The following ATG7 variants were observed in gnomAD, a reference collection of about 807,000 sequenced individuals.
ATG7 encodes ubiquitin-like modifier-activating enzyme ATG7.
Under a neutral mutation model 82.4 loss-of-function variants are expected in ATG7, and 70 were observed. The ratio of observed to expected loss-of-function variants is 0.85; its 90% CI spans 0.70 to 1.04. ATG7 has a LOEUF of 1.04. Ranked by LOEUF, ATG7 falls within the 50% of genes least tolerant of loss-of-function variation. ATG7 has a pLI of 0.00. For synonymous variants in ATG7, 287 were observed against 313.0 expected (o/e 0.92, Z 0.88); for missense variants, 792 against 864.3 (o/e 0.92, Z 1.05).
At chr3:11,290,590 C>T in intron 3 of ATG7, 2 of 335,786 alleles carry the variant, frequency 6.0e-6, no homozygotes, top group African/African-American at 2.2e-5. Context: ...CATGAACCAG[C>T]CACCCCCAGG....
At chr3:11,422,395 T>A (rs2082006137) in intron 19 of ATG7, among the ~76,000 whole-genome samples, 1 of 152,232 alleles carries the variant, frequency 6.6e-6, no homozygotes, top group African/African-American at 2.4e-5. Flanking sequence ...AGACAGCTTC[T>A]TTCCTTAAAC....
intron 20 of ATG7, among the ~76,000 whole-genome samples, chr3:11,523,384 A>G (rs73123011): frequency 0.015 from 2,361 of 152,348 alleles, 63 homozygotes; most frequent in African/African-American, 0.054. Context: ...GGGTACATCT[A>G]TCTGGCCTGT....
At chr3:11,339,200 A>G (rs994455711) in intron 11 of ATG7, among the ~76,000 whole-genome samples, 2 of 150,914 alleles carry the variant, frequency 1.3e-5, no homozygotes, top group Admixed American at 6.7e-5. Flanking sequence ...GGAGGCTGAG[A>G]CAGGAGAATG....
At chr3:11,323,337 A>C (rs1426743574) in intron 9 of ATG7, among the ~76,000 whole-genome samples, 4 of 152,148 alleles carry the variant, frequency 2.6e-5, no homozygotes, top group Non-Finnish European at 4.4e-5. Context: ...CCAGCACAAC[A>C]CTGCTTATCA....
chr3:11,396,697 A>C (rs754025105), intron 19 of ATG7, among the ~76,000 whole-genome samples: 1 of 150,946 alleles, frequency 6.6e-6, no homozygotes, highest in Admixed American at 6.6e-5. Flanking sequence ...CAGGAGAATC[A>C]CTTGAACCTG....
At chr3:11,377,647 A>G (rs1488972615) in intron 18 of ATG7, among the ~76,000 whole-genome samples, 1 of 152,238 alleles carries the variant, frequency 6.6e-6, no homozygotes, top group African/African-American at 2.4e-5. Context: ...TCCATGAAAC[A>G]TAGATGGACA....
chr3:11,397,732 C>T (rs1433883323), intron 19 of ATG7, among the ~76,000 whole-genome samples: 11 of 242 alleles, frequency 0.045, no homozygotes, highest in African/African-American at 0.15. Context: ...GCTGGGATTA[C>T]AGGCGTGCAC....
chr3:11,395,820 G>C (rs1264541023), intron 19 of ATG7, among the ~76,000 whole-genome samples: 1 of 151,530 alleles, frequency 6.6e-6, no homozygotes, highest in Non-Finnish European at 1.5e-5. Context: ...GGCGCCTGTA[G>C]TCCCAGCTAC....
intron 19 of ATG7, among the ~76,000 whole-genome samples, chr3:11,401,475 C>T (rs1243760885): frequency 6.6e-6 from 1 of 152,174 alleles, no homozygotes; most frequent in East Asian, 1.9e-4. Flanking sequence ...TCGTATATAA[C>T]AGCAGACACA....
At chr3:11,466,347 C>T (rs976766297) in intron 20 of ATG7, among the ~76,000 whole-genome samples, 1 of 152,212 alleles carries the variant, frequency 6.6e-6, no homozygotes, top group Non-Finnish European at 1.5e-5. Context: ...TCAGCAAATT[C>T]TAGAATGCTT....
rs956172305 is a variant in ATG7 at position 11,452,836 on chromosome 3, T to A, written c.2079+25910T>A. 9.2e-5 allele frequency among the ~76,000 whole-genome samples: 14 copies of A among 152,332 alleles called. No homozygotes were observed. The East Asian group carries it at 2.7e-3, about 29-fold the overall frequency. On this transcript the variant is annotated intron_variant, in intron 20 of 20. Coordinates refer to ENST00000693202, the MANE Select transcript of ATG7 (RefSeq NM_001349232.2). ...GTTAAGACCTATTCTTTTTAGTATTTTTTTAAACACAAAGTAACACCTCCA... is the reference window on the plus strand; with the variant it reads ...GTTAAGACCTATTCTTTTTAGTATTATTTTAAACACAAAGTAACACCTCCA...
At chr3:11,383,773 G>C (rs969376209) in intron 19 of ATG7, among the ~76,000 whole-genome samples, 1 of 152,174 alleles carries the variant, frequency 6.6e-6, no homozygotes, top group East Asian at 1.9e-4. Context: ...TTACTCACTT[G>C]CTGAAGTCTA....
the ATG7 span, among the ~76,000 whole-genome samples, chr3:11,566,674 T>C: frequency 1.3e-5 from 2 of 152,174 alleles, no homozygotes; most frequent in African/African-American, 4.8e-5. Flanking sequence ...GGTGCCGCTC[T>C]AGCCTCCCTC....
At chr3:11,409,042 A>T (rs2080633838) in intron 19 of ATG7, among the ~76,000 whole-genome samples, 2 of 152,124 alleles carry the variant, frequency 1.3e-5, no homozygotes, top group South Asian at 4.1e-4. Flanking sequence ...TGTATTTTGG[A>T]TAATAGTCCT....
intron 20 of ATG7, among the ~76,000 whole-genome samples, chr3:11,457,464 G>T (rs931663668): frequency 6.6e-6 from 1 of 152,006 alleles, no homozygotes; most frequent in African/African-American, 2.4e-5. Flanking sequence ...TCTCTTCTTG[G>T]GGCATAATTG....
At chr3:11,559,667 T>TG (rs570503987), downstream of ATG7, among the ~76,000 whole-genome samples, 162 of 152,340 alleles carry the variant, frequency 1.1e-3, no homozygotes, top group African/African-American at 3.5e-3. Flanking sequence ...CCCTTGGTCG[T>TG]GGCTGTTTGG....
At chr3:11,494,917 C>T (rs372288030) in intron 20 of ATG7, among the ~76,000 whole-genome samples, 420 of 152,198 alleles carry the variant, frequency 2.8e-3, no homozygotes, top group African/African-American at 9.7e-3. Flanking sequence ...ACTAAAAATA[C>T]AAAAATTAGC....
intron 19 of ATG7, among the ~76,000 whole-genome samples, chr3:11,390,567 T>C (rs1339542321): frequency 6.6e-6 from 1 of 152,242 alleles, no homozygotes; most frequent in African/African-American, 2.4e-5. Flanking sequence ...TGTTGGGCTG[T>C]GCTAGTTTGA....
downstream of ATG7, among the ~76,000 whole-genome samples, chr3:11,562,505 T>C (rs560523340): frequency 3.2e-3 from 492 of 152,246 alleles, 2 homozygotes; most frequent in African/African-American, 0.011. Flanking sequence ...CCACTGCCAT[T>C]TCCCTGGCTC....
Sources: gnomAD v4.1 joint callset for allele counts (sites outside exome capture counted in the v4.1 genomes callset) on GRCh38, gnomAD v4.1.1 for gene constraint, MANE v1.5 for transcripts, NCBI Gene and HGNC (gene_info 2026-07-23, HGNC 2026-07-21) for gene names.